Variants in JMJD1C observed in about 807,000 individuals in gnomAD.
The protein encoded by JMJD1C is jumonji domain containing 1C.
In JMJD1C, 31 loss-of-function variants were observed where a neutral mutation model predicts 245.3. That is an observed-to-expected ratio of 0.13 (90% confidence interval 0.09 to 0.17). JMJD1C has a LOEUF of 0.17. JMJD1C is among the 10% of genes least tolerant of loss of function. The probability of loss-of-function intolerance (pLI) is 1.00; values close to 1 mark genes in which losing one functional copy is unlikely to be tolerated. For synonymous variants in JMJD1C, 1,057 were observed against 1,017.4 expected, an observed-to-expected ratio of 1.04 and a Z score of -0.74; for missense variants, 2,691 against 3,000.2, an observed-to-expected ratio of 0.90 and a Z score of 2.41.
chr10:63,331,204 A>T (rs1942103232), intron 2 of JMJD1C, among the ~76,000 whole-genome samples: 1 of 152,180 alleles, frequency 6.6e-6, no homozygotes, highest in Admixed American at 6.5e-5. Context: ...TTTCAAACAT[A>T]ACACTTTTTG....
Position 63,222,840 on chromosome 10 carries a change from A to G in JMJD1C, c.448-2857T>C, listed in dbSNP as rs181507328. ...ACAGATGCACCTTGGTGTGGAGTCA[A>G]AAGTACACATGCTGGATCAAAATAT... On this transcript the variant is annotated intron_variant, in intron 3 of 25. Transcript: ENST00000399262. 10 of 1,442,924 alleles carry G rather than the reference A, an allele frequency of 6.9e-6. No homozygotes were observed. In the African/African-American group the frequency reaches 9.8e-5, roughly 14 times the overall value. The allele number at this position is 1,442,924 out of a possible 1,614,324, so 89.4% of individuals were successfully genotyped here. A position where few individuals can be genotyped will look rare whatever the true frequency, so the allele number is the denominator to read the frequency against.
At position 63,292,144 on chromosome 10, in the gene JMJD1C, A is replaced by ATTTTTT. The variant is rs573065816; in HGVS notation, c.334-27386_334-27381dup. 4.8e-4 allele frequency among the ~76,000 whole-genome samples: 27 copies of ATTTTTT among 56,350 alleles called. 3 individuals carry two copies. Among genetic ancestry groups the ATTTTTT allele is most frequent in the African/African-American group, 8.1e-4 (11 of 13,530 alleles). The allele number at this position is 56,350 out of a possible 152,430, so 37.0% of individuals were successfully genotyped here. ...TTTTTTTTAGTTTCTGTAGAGACAG[A>ATTTTTT]TTTTTTTTTTTTTTTTTTTGCCTAG... On this transcript the variant is annotated intron_variant, in intron 2 of 25. Coordinates refer to ENST00000399262, the MANE Select transcript of JMJD1C (RefSeq NM_032776.3).
At chr10:63,481,261 T>C (rs918100188) in intron 1 of JMJD1C, among the ~76,000 whole-genome samples, 5 of 152,212 alleles carry the variant, frequency 3.3e-5, no homozygotes, top group African/African-American at 1.2e-4. Context: ...ATTTTCAGAT[T>C]TGAAAAATAA....
intron 1 of JMJD1C, among the ~76,000 whole-genome samples, chr10:63,439,234 G>A (rs971425040): frequency 6.6e-6 from 1 of 152,132 alleles, no homozygotes; most frequent in Non-Finnish European, 1.5e-5. Flanking sequence ...TTATAAAGCT[G>A]TATTTTTAGA....
At chr10:63,255,782 A>G (rs1264566224) in intron 3 of JMJD1C, among the ~76,000 whole-genome samples, 5 of 152,204 alleles carry the variant, frequency 3.3e-5, no homozygotes, top group Admixed American at 3.3e-4. Flanking sequence ...CATTGGAAAT[A>G]AAATAATGCA....
At chr10:63,390,716 A>C in intron 1 of JMJD1C, among the ~76,000 whole-genome samples, 1 of 152,240 alleles carries the variant, frequency 6.6e-6, no homozygotes, top group East Asian at 1.9e-4. Context: ...CAGGGATGCA[A>C]GGATGGTTCA....
chr10:63,383,957 G>C lies in JMJD1C; in HGVS notation c.169-3475C>G, dbSNP rs76298353. On this transcript the variant is annotated intron_variant, in intron 1 of 25. Transcript: ENST00000399262. The stretch of plus-strand genomic sequence containing the variant: ...CTTCCTTTCATCAAAGATTTCCCTA[G>C]GGCATGCAATATTGTTGGCCACTTT... Among the ~76,000 whole-genome samples, 89 of 152,124 alleles carry C rather than the reference G, an allele frequency of 5.9e-4. No individual in the cohort carries two copies. The East Asian group carries it at 0.012, about 20-fold the overall frequency.
At chr10:63,474,846 C>T (rs947753992) in intron 1 of JMJD1C, among the ~76,000 whole-genome samples, 29 of 146,232 alleles carry the variant, frequency 2.0e-4, no homozygotes, top group Non-Finnish European at 3.5e-4. Flanking sequence ...TCAGCCTACT[C>T]TCAAATTATT....
intron 1 of JMJD1C, among the ~76,000 whole-genome samples, chr10:63,499,530 G>C (rs1167727539): frequency 6.6e-6 from 1 of 152,114 alleles, no homozygotes; most frequent in African/African-American, 2.4e-5. Flanking sequence ...TACTAATGTA[G>C]ATCATGGCCT....
chr10:63,421,742 T>C (rs1950139284), intron 1 of JMJD1C, among the ~76,000 whole-genome samples: 1 of 152,180 alleles, frequency 6.6e-6, no homozygotes, highest in Non-Finnish European at 1.5e-5. Flanking sequence ...GGAGTACTTT[T>C]AAGAGGAAGA....
intron 2 of JMJD1C, among the ~76,000 whole-genome samples, chr10:63,296,895 A>G (rs994885858): frequency 6.6e-6 from 1 of 152,150 alleles, no homozygotes; most frequent in African/African-American, 2.4e-5. Flanking sequence ...AAAAATCTCT[A>G]TTTTACTCGT....
At chr10:63,237,162 C>T (rs1044835936) in intron 3 of JMJD1C, among the ~76,000 whole-genome samples, 1 of 152,010 alleles carries the variant, frequency 6.6e-6, no homozygotes, top group South Asian at 2.1e-4. Context: ...CTCAGCCTCC[C>T]GAGTAGCTGG....
intron 1 of JMJD1C, among the ~76,000 whole-genome samples, chr10:63,496,816 G>A (rs574810800): frequency 5.9e-5 from 9 of 152,288 alleles, no homozygotes; most frequent in East Asian, 1.9e-4. Flanking sequence ...GACCAGAAAC[G>A]TGACATATGT....
Position 63,465,501 on chromosome 10 carries a change from G to C in JMJD1C, c.162C>G (p.Asp54Glu), listed in dbSNP as rs754073844. Residue 54 changes from aspartate to glutamate, a missense_variant, in exon 1 of 26, where the codon GAC becomes GAG. Coordinates refer to ENST00000399262, the MANE Select transcript of JMJD1C (RefSeq NM_032776.3). ...AVSHRDSRNPDLAVYVEFDDL... is the reference protein window; with the variant it reads ...AVSHRDSRNPELAVYVEFDDL... ...GGGGCGCTGACTCTCTTACCGCCAG[G>C]TCCGGATTGCGGCTGTCCCTGTGTG... 1.2e-6 allele frequency: 2 copies of C among 1,603,328 alleles called. No individual in the cohort carries two copies. Among genetic ancestry groups the C allele is most frequent in the East Asian group, 2.2e-5 (1 of 44,660 alleles).
intron 1 of JMJD1C, among the ~76,000 whole-genome samples, chr10:63,499,079 T>C (rs879939584): frequency 3.3e-5 from 5 of 152,238 alleles, no homozygotes; most frequent in South Asian, 2.1e-4. Flanking sequence ...GTCTAAATAA[T>C]ATTCCATTGT....
chr10:63,351,899 A>G (rs186954062), intron 2 of JMJD1C, among the ~76,000 whole-genome samples: 16 of 152,338 alleles, frequency 1.1e-4, no homozygotes, highest in African/African-American at 3.6e-4. Context: ...TTTCAATTTA[A>G]TGTAGTCCAA....
At chr10:63,301,691 CA>C (rs1860096856) in intron 2 of JMJD1C, 1 of 443,922 alleles carries the variant, frequency 2.3e-6, no homozygotes, top group East Asian at 7.5e-5. Flanking sequence ...AGCATTAGGA[CA>C]AATACCTAAT....
rs773958030 is a variant in JMJD1C, at chr10:63,208,634, C to T, written c.3035G>A (p.Gly1012Glu). ...CTCTTTGTATTTGTTTAACCTCTCT[C>T]CAGTCTCCTGGGGTGGCCTCTGTAA... is the stretch of plus-strand genomic sequence containing the variant. ...NQLQRPPQET[G>E]ERLNKYKEEH... Residue 1012 changes from glycine to glutamate, a missense_variant, in exon 10 of 26, where the codon GGA (glycine) becomes GAA (glutamate). Around this residue, in one of 9 missense-constraint regions of JMJD1C, gnomAD observed 1,562 missense variants for 1,490.7 expected, o/e 1.05. Transcript: ENST00000399262. 4.3e-6 allele frequency: 7 copies of T among 1,614,046 alleles called. No individual in the cohort carries two copies. Among genetic ancestry groups the T allele is most frequent in the Admixed American group, 1.7e-5 (1 of 60,008 alleles).
At chr10:63,443,774 C>A (rs1419265750) in intron 1 of JMJD1C, among the ~76,000 whole-genome samples, 1 of 152,210 alleles carries the variant, frequency 6.6e-6, no homozygotes, top group Non-Finnish European at 1.5e-5. Flanking sequence ...AAGGTCTGGT[C>A]TTTTTGGTGA....
Sources: allele counts gnomAD v4.1 joint callset (sites outside exome capture counted in the v4.1 genomes callset), GRCh38; gene constraint gnomAD v4.1.1; regional missense constraint gnomAD v4.1.1; transcripts MANE v1.5; gene names NCBI Gene and HGNC (gene_info 2026-07-23, HGNC 2026-07-21).